The following COL18A1 variants were observed in gnomAD, a reference collection of about 807,000 sequenced individuals.
COL18A1 encodes the protein collagen type XVIII alpha 1 chain.
In COL18A1, 133 loss-of-function variants were observed where a neutral mutation model predicts 168.0. That is an observed-to-expected ratio of 0.79 (90% CI 0.69 to 0.91). The LOEUF is 0.91. COL18A1 is among the 40% of genes least tolerant of loss of function. The pLI is 0.00. For missense variants in COL18A1, 2,126 were observed against 1,925.4 expected (o/e 1.10, Z -1.95); for synonymous variants, 949 against 809.0 (o/e 1.17, Z -2.94).
chr21:45,503,735 A>C (rs1010661541), intron 32 of COL18A1, among the ~76,000 whole-genome samples: 1 of 152,030 alleles, frequency 6.6e-6, no homozygotes, highest in Non-Finnish European at 1.5e-5. Flanking sequence ...ATGTATACAT[A>C]TGTAACTAAC....
chr21:45,480,503 G>C lies in COL18A1; in HGVS notation c.1435G>C (p.Asp479His). 1.2e-6 allele frequency: 2 copies of C among 1,614,142 alleles called. No homozygotes were observed. Among genetic ancestry groups the C allele is most frequent in the Non-Finnish European group, 1.7e-6 (2 of 1,180,030 alleles). Residue 479 changes from aspartate (D) to histidine (H), a missense_variant, in exon 12 of 42, where the codon GAT becomes CAT. Asp to His is a moderately conservative substitution (Grantham distance 81). Transcript: ENST00000651438. ...CATGGAGGGATCTGGCTTCGGGGGC[G>C]ATCTGGAGGCCCTGCGGGTGAGTGG... ...IDMEGSGFGG[D>H]LEALRGPRGF...
chr21:45,490,501 T>TCTGGGCCTCCGTGTGCCCTCCCGGGTCC (rs2036287191), intron 20 of COL18A1, among the ~76,000 whole-genome samples, 155 bp downstream of exon 20: 1 of 96,660 alleles, frequency 1.0e-5, no homozygotes, highest in African/African-American at 4.4e-5. Context: ...CTCCCGGGTC[T>TCTGGGCCTCCGTGTGCCCTCCCGGGTCC]CTGGGCCTCC....
At chr21:45,502,839 G>T (rs891325412) in intron 32 of COL18A1, 3 of 152,158 alleles carry the variant, frequency 2.0e-5, no homozygotes, top group African/African-American at 7.2e-5. Flanking sequence ...AAAGAAGCGC[G>T]TTGCTCTTTT....
intron 31 of COL18A1, 34 bp from the exon 32 acceptor site, chr21:45,497,565 A>C: frequency 6.4e-7 from 1 of 1,552,128 alleles, no homozygotes; most frequent in South Asian, 1.2e-5. Flanking sequence ...TCCCTGGCAC[A>C]TTCCTGATGG....
Position 45,503,648 on chromosome 21 carries a change from A to AG in COL18A1, c.2684-357dup, listed in dbSNP as rs1399435227. 6.0e-4 allele frequency among the ~76,000 whole-genome samples: 34 copies of AG among 56,320 alleles called. 1 individual carries two copies. The East Asian group carries it at 0.014, about 24-fold the overall frequency. 36.9% of individuals were successfully genotyped at this position (56,320 alleles called of 152,430 possible). A position where few individuals can be genotyped will look rare whatever the true frequency, so the allele number is the denominator to read the frequency against. On this transcript the variant is annotated intron_variant, in intron 32 of 41. Coordinates refer to ENST00000651438, the MANE Select transcript of COL18A1 (RefSeq NM_001379500.1). ...CTGGGGACTGTTGTGGGGTGGGGGG[A>AG]GGGGGGAGGGATAGCATTGGGAGAT... is the stretch of plus-strand genomic sequence containing the variant.
intron 2 of COL18A1, among the ~76,000 whole-genome samples, chr21:45,411,538 G>A (rs1416535181): frequency 6.6e-6 from 1 of 152,098 alleles, no homozygotes; most frequent in Non-Finnish European, 1.5e-5. Context: ...GAAGGGCCCG[G>A]AGTAAGCCTC....
At chr21:45,476,135 TC>T (rs200110062) in intron 5 of COL18A1, among the ~76,000 whole-genome samples, 4,318 of 144,498 alleles carry the variant, frequency 0.03, 180 homozygotes, top group African/African-American at 0.095. Context: ...GCAGGCGCGG[TC>T]CTGGGTCCTG....
intron 32 of COL18A1, chr21:45,503,105 C>T (rs1260693766): frequency 6.6e-6 from 1 of 152,162 alleles, no homozygotes; most frequent in African/African-American, 2.4e-5. Context: ...ATGGCTGGGT[C>T]AAATGGTATT....
At chr21:45,509,164 C>CG (rs2037423158) in intron 38 of COL18A1, among the ~76,000 whole-genome samples, 192 bp from the exon 39 acceptor site, 1 of 152,070 alleles carries the variant, frequency 6.6e-6, no homozygotes, top group African/African-American at 2.4e-5. Flanking sequence ...CGCGATCCGG[C>CG]GCCACGGCAG....
At chr21:45,433,117 C>A (rs554662156) in intron 2 of COL18A1, among the ~76,000 whole-genome samples, 1 of 152,166 alleles carries the variant, frequency 6.6e-6, no homozygotes, top group Non-Finnish European at 1.5e-5. Flanking sequence ...GGCTTCATTT[C>A]GAGAGGGTCA....
chr21:45,479,820 C>A (rs2035829890), intron 9 of COL18A1, 82 bp from the exon 10 acceptor site: 3 of 1,587,126 alleles, frequency 1.9e-6, no homozygotes, highest in African/African-American at 1.3e-5. Context: ...CCGTCCCCTG[C>A]TTGGGGGAGG....
At position 45,473,026 on chromosome 21, in the gene COL18A1, G is replaced by C. The variant is rs1353951379; in HGVS notation, c.652-869G>C. On this transcript the variant is annotated intron_variant, in intron 3 of 41. Coordinates refer to ENST00000651438, the MANE Select transcript of COL18A1 (RefSeq NM_001379500.1). The surrounding 1 kb of genome is among the most constrained non-coding windows in gnomAD (Gnocchi z 4.0). ...TGGCCTCGCTTGGCTCTGAAATCTA[G>C]GCCAGGATGCAGAACCCGCAGTGCG... is the stretch of plus-strand genomic sequence containing the variant. Among the ~76,000 whole-genome samples, 1 of 152,234 alleles carries C rather than the reference G, an allele frequency of 6.6e-6. No individual in the cohort carries two copies. The highest frequency in any genetic ancestry group is 2.4e-5 in the African/African-American group (1 of 41,472).
At position 45,475,509 on chromosome 21, in the gene COL18A1, G is replaced by T. The variant is rs778268148; in HGVS notation, c.772G>T (p.Ala258Ser). The T allele has an allele frequency of 3.2e-5, 52 of 1,606,966 alleles. No individual in the cohort carries two copies. The highest frequency in any genetic ancestry group is 1.3e-4 in the Admixed American group (8 of 59,412). The change falls in exon 5 of 42, where the codon GCC becomes TCC. Residue 258 changes from alanine to serine, a missense_variant. Transcript: ENST00000651438. ...SGDSGSGLGD[A>S]RELLREETGA... is the part of the protein sequence containing the mutation. The stretch of plus-strand genomic sequence containing the variant: ...AGACTCTGGCAGCGGGCTCGGGGAC[G>T]CCCGGGAGCTTCTCAGGGAGGAGAC...
chr21:45,485,286 C>G (rs1349992976), intron 15 of COL18A1, among the ~76,000 whole-genome samples: 1 of 149,512 alleles, frequency 6.7e-6, no homozygotes, highest in Non-Finnish European at 1.5e-5. Context: ...CAGGCGTGAG[C>G]CACCACACTC....
intron 15 of COL18A1, 80 bp downstream of exon 15, chr21:45,482,901 C>T (rs1350572323): frequency 1.2e-6 from 2 of 1,605,260 alleles, no homozygotes; most frequent in Non-Finnish European, 1.7e-6. Context: ...AGGGTGGCAG[C>T]CCCACGGTCG....
At position 45,493,542 on chromosome 21, in the gene COL18A1, CGGT is replaced by C; in HGVS notation, c.2321_2323del (p.Gly774del). 1 of 1,560,140 alleles carries C rather than the reference CGGT, an allele frequency of 6.4e-7. No individual in the cohort carries two copies. Among genetic ancestry groups the C allele is most frequent in the South Asian group, 1.2e-5 (1 of 84,700 alleles). On this transcript the variant is annotated inframe_deletion, in exon 26 of 42. Coordinates refer to ENST00000651438, the MANE Select transcript of COL18A1 (RefSeq NM_001379500.1). ...CGGGCAGCATCTTCAGCCCCGACGG[CGGT>C]GCCCTGGGCCCTGCCCAGAAAGGAG... is the stretch of plus-strand genomic sequence containing the variant.
chr21:45,473,642 A>AG lies in COL18A1; in HGVS notation c.652-252dup, dbSNP rs2035527505. Among the ~76,000 whole-genome samples, 1 of 152,072 alleles carries AG rather than the reference A, an allele frequency of 6.6e-6. No individual in the cohort carries two copies. The highest frequency in any genetic ancestry group is 1.5e-5 in the Non-Finnish European group (1 of 68,002). ...GGTGGCCCATCAGCTGCCTCAGATG[A>AG]GCCAAGTCTGAGGGAGCAGCCTCCG... On this transcript the variant is annotated intron_variant, in intron 3 of 41. Transcript: ENST00000651438. The surrounding 1 kb of genome is among the most constrained non-coding windows in gnomAD (Gnocchi z 4.0).
At chr21:45,511,952 CCCCTCTG>C (rs1045316197) in intron 41 of COL18A1, among the ~76,000 whole-genome samples, 1 of 152,160 alleles carries the variant, frequency 6.6e-6, no homozygotes, top group African/African-American at 2.4e-5. Flanking sequence ...TGGCCCCTCT[CCCCTCTG>C]CCGTGGGTGT....
intron 2 of COL18A1, among the ~76,000 whole-genome samples, chr21:45,427,636 C>CG (rs2033843383): frequency 6.6e-6 from 1 of 152,174 alleles, no homozygotes; most frequent in African/African-American, 2.4e-5. Flanking sequence ...GGCAGGCCGG[C>CG]GGGTGTTGAG....
Sources: gnomAD v4.1 joint callset for allele counts (sites outside exome capture counted in the v4.1 genomes callset) on GRCh38, gnomAD v4.1.1 for gene constraint, Gnocchi (gnomAD v3.1) non-coding constraint, MANE v1.5 for transcripts, NCBI Gene and HGNC (gene_info 2026-07-23, HGNC 2026-07-21) for gene names.